LCK: variants seen among roughly 807,000 people sequenced by gnomAD.
The protein encoded by LCK is tyrosine-protein kinase Lck.
LCK carries 14 observed loss-of-function variants against 64.6 expected under a neutral mutation model. That is an observed-to-expected ratio of 0.22 (90% CI 0.14 to 0.34). The LOEUF (loss-of-function observed/expected upper bound fraction) is 0.34. Among genes scored for constraint, LCK ranks in the 10% least tolerant of loss-of-function variants. The pLI, the probability that LCK is intolerant of heterozygous loss-of-function variation, is 1.00. For synonymous variants in LCK, 277 were observed against 263.6 expected (o/e 1.05, Z -0.49); for missense variants, 434 against 668.1 (o/e 0.65, Z 3.86).
intron 1 of LCK, among the ~76,000 whole-genome samples, chr1:32,268,149 G>A (rs566465983): frequency 7.4e-5 from 11 of 148,282 alleles, no homozygotes; most frequent in African/African-American, 2.5e-4. Flanking sequence ...AGCTGAGATC[G>A]CGCCACTGCA....
intron 1 of LCK, among the ~76,000 whole-genome samples, chr1:32,253,562 A>G (rs1053724058): frequency 6.6e-6 from 1 of 152,120 alleles, no homozygotes; most frequent in South Asian, 2.1e-4. Flanking sequence ...GATTACAGGC[A>G]TGAGCCACCG....
chr1:32,285,314 A>G (rs1640582542), intron 12 of LCK, among the ~76,000 whole-genome samples, 200 bp from the exon 13 acceptor site: 1 of 152,212 alleles, frequency 6.6e-6, no homozygotes, highest in South Asian at 2.1e-4. Context: ...AAAAAAAGAA[A>G]AGGAAATAAT....
At chr1:32,280,443 CTTT>C (rs770430504) in intron 12 of LCK, among the ~76,000 whole-genome samples, 618 of 84,590 alleles carry the variant, frequency 7.3e-3, no homozygotes, top group African/African-American at 0.032. Context: ...TTTTCTTTTT[CTTT>C]TTTTTTTTTT....
chr1:32,283,182 G>A (rs867473162), intron 12 of LCK, among the ~76,000 whole-genome samples: 1 of 151,528 alleles, frequency 6.6e-6, no homozygotes, highest in African/African-American at 2.4e-5. Flanking sequence ...CCAGCTACTC[G>A]GGAAGCTGAG....
At chr1:32,274,571 C>A in intron 2 of LCK, 137 bp downstream of exon 2, 1 of 900,740 alleles carries the variant, frequency 1.1e-6, no homozygotes. Context: ...AAAAGAGGCC[C>A]AGAGAGGGGA....
chr1:32,261,367 G>A (rs889787007), intron 1 of LCK, among the ~76,000 whole-genome samples: 19 of 151,168 alleles, frequency 1.3e-4, no homozygotes, highest in African/African-American at 1.9e-4. Flanking sequence ...CCTGCTGGCC[G>A]GGCATGGTGG....
intron 1 of LCK, among the ~76,000 whole-genome samples, chr1:32,272,951 ATG>A (rs1180843863): frequency 7.5e-5 from 8 of 107,090 alleles, no homozygotes; most frequent in Admixed American, 1.8e-4. Context: ...GGAGGGGAGA[ATG>A]TGTGTGTGTG....
At chr1:32,263,067 C>T (rs181723210) in intron 1 of LCK, among the ~76,000 whole-genome samples, 7 of 152,070 alleles carry the variant, frequency 4.6e-5, no homozygotes, top group African/African-American at 1.2e-4. Context: ...TAAGGCTGCC[C>T]GTGGTCCACA....
At chr1:32,282,036 C>G (rs1032052020) in intron 12 of LCK, among the ~76,000 whole-genome samples, 2 of 152,198 alleles carry the variant, frequency 1.3e-5, no homozygotes, top group Admixed American at 6.5e-5. Context: ...TGCCACCGCA[C>G]TCCAGCCTGG....
At chr1:32,277,807 A>G (rs747075158) in intron 9 of LCK, among the ~76,000 whole-genome samples, 4 of 151,994 alleles carry the variant, frequency 2.6e-5, no homozygotes, top group Non-Finnish European at 5.9e-5. Context: ...ATGGTTTCCT[A>G]CTATAATAAC....
chr1:32,263,049 G>A (rs1480830038), intron 1 of LCK, among the ~76,000 whole-genome samples: 1 of 152,038 alleles, frequency 6.6e-6, no homozygotes, highest in Non-Finnish European at 1.5e-5. Flanking sequence ...AATGTTCTCA[G>A]TCAAACTTAA....
At position 32,286,122 on chromosome 1, in the gene LCK, G is replaced by A; in HGVS notation, c.*406G>A. 1 of 303,730 alleles carries A rather than the reference G, an allele frequency of 3.3e-6. No individual in the cohort carries two copies. The highest frequency in any genetic ancestry group is 6.3e-6 in the Non-Finnish European group (1 of 159,288). The allele number at this position is 303,730 out of a possible 1,614,324, so 18.8% of individuals were successfully genotyped here. A position where few individuals can be genotyped will look rare whatever the true frequency, so the allele number is the denominator to read the frequency against. ...GTGCTCCTCCTTGGTGCCTGGCCTG[G>A]CACACATCAGGAGTTCAATAAATGT... is the stretch of plus-strand genomic sequence containing the variant. On this transcript the variant is annotated 3_prime_UTR_variant, in exon 13 of 13. Transcript: ENST00000336890.
In LCK at chr1:32,285,796, C is replaced by A; in HGVS notation, c.*80C>A. The stretch of plus-strand genomic sequence containing the variant: ...AGATGGAGTTCTTGTGCCATAGTCA[C>A]ATGGCCTATGCACATATGGACTCTG... On this transcript the variant is annotated 3_prime_UTR_variant, in exon 13 of 13. Transcript: ENST00000336890. 7.1e-7 allele frequency: 1 copy of A among 1,417,112 alleles called. No individual in the cohort carries two copies. Among genetic ancestry groups the A allele is most frequent in the Non-Finnish European group, 9.7e-7 (1 of 1,029,790 alleles). 87.8% of individuals were successfully genotyped at this position (1,417,112 alleles called of 1,614,324 possible). A position where few individuals can be genotyped will look rare whatever the true frequency, so the allele number is the denominator to read the frequency against.
rs1640593891 is a variant in LCK, at chr1:32,285,671, G to A, written c.1485G>A (p.Glu495=). ...TTGACTACCTGCGCAGTGTGCTGGA[G>A]GACTTCTTCACGGCCACAGAGGGCC... ...PTFDYLRSVL[E]DFFTATEGQY... The change falls in exon 13 of 13, where the codon GAG becomes GAA. Residue 495 remains glutamate (E), a synonymous_variant. Coordinates refer to ENST00000336890, the MANE Select transcript of LCK (RefSeq NM_005356.5). 1.9e-6 allele frequency: 3 copies of A among 1,613,184 alleles called. No homozygotes were observed. The South Asian group carries it at 3.3e-5, about 18-fold the overall frequency.
intron 1 of LCK, among the ~76,000 whole-genome samples, chr1:32,261,137 G>GCTCA (rs1306909107): frequency 6.6e-6 from 1 of 151,516 alleles, no homozygotes; most frequent in East Asian, 1.9e-4. Context: ...TATAATCACG[G>GCTCA]CTCACTGCAG....
chr1:32,265,813 CCTT>C (rs930242194), intron 1 of LCK, among the ~76,000 whole-genome samples: 2 of 152,192 alleles, frequency 1.3e-5, no homozygotes, highest in South Asian at 2.1e-4. Flanking sequence ...TATCTCTTCT[CCTT>C]CTCCTCCTCC....
intron 1 of LCK, among the ~76,000 whole-genome samples, chr1:32,260,393 A>G (rs1036799222): frequency 3.3e-5 from 5 of 152,058 alleles, no homozygotes; most frequent in Non-Finnish European, 7.4e-5. Context: ...TGATTTTCCC[A>G]TCTCGGCCCT....
chr1:32,280,647 G>A (rs1341731722), intron 12 of LCK, among the ~76,000 whole-genome samples: 1 of 151,692 alleles, frequency 6.6e-6, no homozygotes, highest in East Asian at 1.9e-4. Flanking sequence ...AGTAGAGACA[G>A]GGTTTCACCA....
chr1:32,270,316 G>T (rs1640042183), intron 1 of LCK, among the ~76,000 whole-genome samples: 1 of 150,084 alleles, frequency 6.7e-6, no homozygotes, highest in South Asian at 2.1e-4. Context: ...GGCCAGGCTG[G>T]TTGTCTTGAA....
Sources: gnomAD v4.1 joint callset for allele counts (sites outside exome capture counted in the v4.1 genomes callset) on GRCh38, gnomAD v4.1.1 for gene constraint, MANE v1.5 for transcripts, NCBI Gene and HGNC (gene_info 2026-07-23, HGNC 2026-07-21) for gene names.